The following PLCB1 variants were observed in gnomAD, a reference collection of about 807,000 sequenced individuals.
The protein encoded by PLCB1 is 1-phosphatidylinositol 4,5-bisphosphate phosphodiesterase beta-1.
Under a neutral mutation model 161.8 loss-of-function variants are expected in PLCB1, and 46 were observed. The ratio of observed to expected loss-of-function variants is 0.28; its 90% CI spans 0.22 to 0.36. The LOEUF (loss-of-function observed/expected upper bound fraction) is 0.36. PLCB1 is among the 10% of genes least tolerant of loss of function. The pLI, the probability that PLCB1 is intolerant of heterozygous loss-of-function variation, is 1.00. For synonymous variants in PLCB1, 517 were observed against 503.7 expected, an observed-to-expected ratio of 1.03 and a Z score of -0.35; for missense variants, 1,016 against 1,472.5, an observed-to-expected ratio of 0.69 and a Z score of 5.07.
rs550610148 is a variant in PLCB1, at chr20:8,651,288, A to G, written c.594+1839A>G. On this transcript the variant is annotated intron_variant, in intron 7 of 31. Transcript: ENST00000338037. Reference sequence around the variant, plus strand: ...TTGAATTATAAAAGTATTGAGTGCTATGGTTAAATTTATCAGCCAATTATT... The same window carrying G: ...TTGAATTATAAAAGTATTGAGTGCTGTGGTTAAATTTATCAGCCAATTATT... The G allele has an allele frequency of 6.7e-5, 41 of 613,144 alleles. No homozygotes were observed. In the East Asian group the frequency reaches 8.8e-4, roughly 13 times the overall value. The allele number at this position is 613,144 out of a possible 1,614,324, so 38.0% of individuals were successfully genotyped here.
chr20:8,576,866 A>G (rs1986686788), intron 3 of PLCB1, among the ~76,000 whole-genome samples: 1 of 152,208 alleles, frequency 6.6e-6, no homozygotes, highest in Non-Finnish European at 1.5e-5. Flanking sequence ...TTCATACATT[A>G]CCTACATTTC....
chr20:8,628,473 G>A (rs1335516820), intron 4 of PLCB1, 42 bp downstream of exon 4: 1 of 1,606,014 alleles, frequency 6.2e-7, no homozygotes, highest in South Asian at 1.1e-5. Flanking sequence ...ATCATGATCT[G>A]AATCCTTGAG....
At chr20:8,568,595 G>C (rs1986413694) in intron 3 of PLCB1, among the ~76,000 whole-genome samples, 1 of 152,080 alleles carries the variant, frequency 6.6e-6, no homozygotes, top group Non-Finnish European at 1.5e-5. Flanking sequence ...AGTTTTAAAA[G>C]ACCAGTGTAC....
intron 2 of PLCB1, among the ~76,000 whole-genome samples, chr20:8,335,500 ACTTTAT>A (rs1456175551): frequency 3.9e-5 from 6 of 152,124 alleles, no homozygotes; most frequent in African/African-American, 9.7e-5. Flanking sequence ...ATGAATTGTC[ACTTTAT>A]CTTTAGGAAC....
intron 3 of PLCB1, among the ~76,000 whole-genome samples, chr20:8,381,295 C>G (rs531112676): frequency 7.2e-4 from 109 of 152,316 alleles, no homozygotes; most frequent in South Asian, 3.7e-3. Context: ...ATGAAGCTGT[C>G]TTGATCGTAG....
intron 31 of PLCB1, among the ~76,000 whole-genome samples, chr20:8,864,186 T>C (rs1001323049): frequency 6.6e-6 from 1 of 152,164 alleles, no homozygotes; most frequent in African/African-American, 2.4e-5. Flanking sequence ...TGGTAGGCCT[T>C]TGATGAAGTT....
intron 24 of PLCB1, 34 bp downstream of exon 24, chr20:8,757,212 C>T: frequency 1.3e-6 from 2 of 1,576,178 alleles, no homozygotes; most frequent in Non-Finnish European, 1.7e-6. Context: ...ACAACATGAG[C>T]AAGATCCTCC....
chr20:8,838,074 A>T lies in PLCB1; in HGVS notation c.3424-43548A>T, dbSNP rs1047624945. Among the ~76,000 whole-genome samples, 14 of 1,266 alleles carry T rather than the reference A, an allele frequency of 0.011. No homozygotes were observed. The Admixed American group carries it at 0.24, about 22-fold the overall frequency. The allele number at this position is 1,266 out of a possible 152,430, so 0.8% of individuals were successfully genotyped here. On this transcript the variant is annotated intron_variant, in intron 31 of 31. Coordinates refer to ENST00000338037, the MANE Select transcript of PLCB1 (RefSeq NM_015192.4). ...AAGCTGAAAATTTCTATGTCAAATAAAAAAAAAAAAAAAAGTATTACCTGA... is the reference window on the plus strand; with the variant it reads ...AAGCTGAAAATTTCTATGTCAAATATAAAAAAAAAAAAAAGTATTACCTGA...
intron 31 of PLCB1, among the ~76,000 whole-genome samples, chr20:8,845,630 T>A (rs1986664360): frequency 6.6e-6 from 1 of 152,278 alleles, no homozygotes; most frequent in East Asian, 1.9e-4. Flanking sequence ...TCATCTAATA[T>A]TAAAACAACT....
intron 3 of PLCB1, among the ~76,000 whole-genome samples, chr20:8,569,698 G>A (rs895732802): frequency 1.3e-5 from 2 of 152,164 alleles, no homozygotes; most frequent in African/African-American, 2.4e-5. Context: ...GTTAAGGTAA[G>A]TATTAGCATG....
intron 3 of PLCB1, among the ~76,000 whole-genome samples, chr20:8,539,645 T>C (rs186102272): frequency 7.6e-4 from 48 of 63,568 alleles, no homozygotes; most frequent in East Asian, 1.9e-3. Context: ...TCTTTCTTTC[T>C]TTCTTTCTTT....
intron 3 of PLCB1, among the ~76,000 whole-genome samples, chr20:8,541,600 G>GAAAGAAATAAATAAAT (rs71183096): frequency 2.0e-5 from 3 of 150,646 alleles, no homozygotes; most frequent in Non-Finnish European, 4.4e-5. Flanking sequence ...AAGAAAGAAA[G>GAAAGAAATAAATAAAT]AAAGAAAGGA....
At chr20:8,293,589 T>C (rs1271555097) in intron 2 of PLCB1, among the ~76,000 whole-genome samples, 2 of 151,084 alleles carry the variant, frequency 1.3e-5, no homozygotes, top group African/African-American at 2.4e-5. Context: ...TGCCATTGTC[T>C]TGATTTGTAT....
At chr20:8,795,574 C>T (rs547928758) in intron 31 of PLCB1, among the ~76,000 whole-genome samples, 1 of 152,164 alleles carries the variant, frequency 6.6e-6, no homozygotes, top group South Asian at 2.1e-4. Flanking sequence ...TTTATGAAAT[C>T]CATAGTGGTA....
At chr20:8,833,679 T>C (rs1045170796) in intron 31 of PLCB1, among the ~76,000 whole-genome samples, 1 of 152,212 alleles carries the variant, frequency 6.6e-6, no homozygotes. Context: ...GTGGCCCTGC[T>C]GACATGTTGA....
chr20:8,228,687 T>C (rs902425207), intron 2 of PLCB1, among the ~76,000 whole-genome samples: 11 of 18,842 alleles, frequency 5.8e-4, no homozygotes, highest in African/African-American at 1.9e-3. Context: ...TTTTTTTTTG[T>C]ATTTATTTAT....
intron 2 of PLCB1, among the ~76,000 whole-genome samples, chr20:8,299,118 T>TTA (rs1983773460): frequency 1.3e-5 from 2 of 152,234 alleles, no homozygotes; most frequent in South Asian, 4.2e-4. Flanking sequence ...AGCCAACACA[T>TTA]TATAGCACCT....
At chr20:8,614,153 A>G (rs1987981771) in intron 3 of PLCB1, among the ~76,000 whole-genome samples, 1 of 152,148 alleles carries the variant, frequency 6.6e-6, no homozygotes, top group Non-Finnish European at 1.5e-5. Flanking sequence ...AAATAAAAAC[A>G]GTAACAAGAT....
At chr20:8,523,724 G>A (rs1462804566) in intron 3 of PLCB1, among the ~76,000 whole-genome samples, 11 of 151,142 alleles carry the variant, frequency 7.3e-5, no homozygotes, top group Non-Finnish European at 1.0e-4. Context: ...GGGACAAATG[G>A]AATTTACTCA....
Sources: allele counts gnomAD v4.1 joint callset (sites outside exome capture counted in the v4.1 genomes callset), GRCh38; gene constraint gnomAD v4.1.1; transcripts MANE v1.5; gene names NCBI Gene and HGNC (gene_info 2026-07-23, HGNC 2026-07-21).